The following STOX1 variants were observed in gnomAD, a reference collection of about 807,000 sequenced individuals.
STOX1 encodes storkhead-box protein 1.
A neutral mutation model predicts 74.8 loss-of-function variants in STOX1; 57 were observed. That is an observed-to-expected ratio of 0.76 (90% CI 0.62 to 0.95). STOX1 has a LOEUF of 0.95. Ranked by LOEUF, STOX1 falls within the 40% of genes least tolerant of loss-of-function variation. The pLI is 0.00. For missense variants in STOX1, 1,010 were observed against 1,117.0 expected (o/e 0.90, Z 1.37); for synonymous variants, 375 against 401.3 (o/e 0.93, Z 0.78).
At chr10:68,838,924 A>AG (rs199635825) in intron 1 of STOX1, among the ~76,000 whole-genome samples, 8,216 of 151,232 alleles carry the variant, frequency 0.054, 338 homozygotes, top group East Asian at 0.23. Context: ...AAAAAAAAAA[A>AG]GAAGTGGCAA....
chr10:68,840,132 A>G (rs1839656744), intron 1 of STOX1, among the ~76,000 whole-genome samples: 1 of 152,212 alleles, frequency 6.6e-6, no homozygotes, highest in Non-Finnish European at 1.5e-5. Context: ...CAATCTCCAC[A>G]TGCAAAGGAA....
chr10:68,836,383 A>G (rs747756095), intron 1 of STOX1, among the ~76,000 whole-genome samples: 1 of 152,226 alleles, frequency 6.6e-6, no homozygotes, highest in Non-Finnish European at 1.5e-5. Context: ...AATTTCCAGC[A>G]TGGAGGAAGA....
chr10:68,837,464 G>A (rs1261019385), intron 1 of STOX1, among the ~76,000 whole-genome samples: 1 of 152,236 alleles, frequency 6.6e-6, no homozygotes, highest in African/African-American at 2.4e-5. Context: ...TCATGCATCT[G>A]AGCCTGAGGT....
chr10:68,828,331 C>G, intron 1 of STOX1: 1 of 1,103,920 alleles, frequency 9.1e-7, no homozygotes. Flanking sequence ...GAGCTCCGCG[C>G]TGCAGGGGCG....
chr10:68,858,994 G>A (rs752564220), intron 1 of STOX1, among the ~76,000 whole-genome samples: 7 of 152,074 alleles, frequency 4.6e-5, no homozygotes, highest in Non-Finnish European at 1.0e-4. Flanking sequence ...CCTCTGCTGG[G>A]CTTCGTCACC....
chr10:68,835,404 C>T (rs1314604339), intron 1 of STOX1, among the ~76,000 whole-genome samples: 1 of 151,962 alleles, frequency 6.6e-6, no homozygotes, highest in Non-Finnish European at 1.5e-5. Context: ...CTCACTGAAG[C>T]CTTGAACTCC....
At chr10:68,847,514 T>G (rs1589220618) in intron 1 of STOX1, among the ~76,000 whole-genome samples, 1 of 150,142 alleles carries the variant, frequency 6.7e-6, no homozygotes, top group Non-Finnish European at 1.5e-5. Context: ...GGTTCAAGCG[T>G]TTCTCCTACC....
intron 1 of STOX1, among the ~76,000 whole-genome samples, chr10:68,844,657 C>T (rs1361146011): frequency 1.3e-5 from 2 of 152,094 alleles, no homozygotes; most frequent in African/African-American, 2.4e-5. Flanking sequence ...AGTTTTTTTC[C>T]TTATTAAATT....
chr10:68,877,951 C>T (rs1589234088), intron 1 of STOX1, among the ~76,000 whole-genome samples: 1 of 152,138 alleles, frequency 6.6e-6, no homozygotes, highest in Admixed American at 6.5e-5. Context: ...AAAGGGGGTT[C>T]TGGTTTCTAT....
chr10:68,867,591 A>G (rs1007546801), intron 1 of STOX1, among the ~76,000 whole-genome samples: 4 of 152,194 alleles, frequency 2.6e-5, no homozygotes, highest in African/African-American at 9.6e-5. Flanking sequence ...GGCAGGGACA[A>G]GCTTCCCCTT....
At chr10:68,863,913 TCTG>T (rs199912828) in intron 1 of STOX1, among the ~76,000 whole-genome samples, 4,434 of 150,728 alleles carry the variant, frequency 0.029, 154 homozygotes, top group African/African-American at 0.076. Context: ...AGCTACAAGT[TCTG>T]CTTGTTTTTT....
chr10:68,891,630 C>T (rs28436843), intron 3 of STOX1, among the ~76,000 whole-genome samples: 2 of 151,710 alleles, frequency 1.3e-5, no homozygotes, highest in African/African-American at 2.4e-5. Flanking sequence ...GGTGAAACCC[C>T]GTCTGTACTA....
intron 1 of STOX1, among the ~76,000 whole-genome samples, chr10:68,846,553 A>G (rs1024116916): frequency 6.6e-6 from 1 of 152,178 alleles, no homozygotes; most frequent in Non-Finnish European, 1.5e-5. Flanking sequence ...CTTTTTGTCA[A>G]ATAGCAATTG....
At chr10:68,886,699 C>T (rs903677408) in intron 3 of STOX1, 81 bp downstream of exon 3, 40 of 1,307,584 alleles carry the variant, frequency 3.1e-5, no homozygotes, top group African/African-American at 2.5e-4. Flanking sequence ...GAGGCCGAGG[C>T]GGGCAGATCA....
intron 1 of STOX1, among the ~76,000 whole-genome samples, chr10:68,852,406 C>T (rs1021976019): frequency 2.7e-5 from 4 of 150,134 alleles, no homozygotes; most frequent in Admixed American, 2.6e-4. Context: ...CTACAGGCGC[C>T]CGCCACCGCA....
At chr10:68,828,292 A>G (rs1839317755) in intron 1 of STOX1, 2 of 1,108,574 alleles carry the variant, frequency 1.8e-6, no homozygotes, top group East Asian at 4.5e-5. Context: ...CCCGGAGGGG[A>G]GGGGCGTCCC....
At chr10:68,879,929 A>G (rs936688593) in intron 1 of STOX1, among the ~76,000 whole-genome samples, 11 of 152,156 alleles carry the variant, frequency 7.2e-5, no homozygotes, top group African/African-American at 2.7e-4. Context: ...TTTCCTGGCT[A>G]TAGGCTTATA....
chr10:68,880,316 C>T (rs138490517), intron 1 of STOX1, among the ~76,000 whole-genome samples: 6 of 152,102 alleles, frequency 3.9e-5, no homozygotes, highest in South Asian at 4.2e-4. Flanking sequence ...CTAGCAGCTA[C>T]GACAGGCACA....
At chr10:68,873,507 C>T (rs2394495) in intron 1 of STOX1, among the ~76,000 whole-genome samples, 94,945 of 146,206 alleles carry the variant, frequency 0.65, 31,248 homozygotes, top group East Asian at 0.9. Context: ...GTGATCCACC[C>T]GCCTCAGCCT....
Sources: allele counts gnomAD v4.1 joint callset (sites outside exome capture counted in the v4.1 genomes callset), GRCh38; gene constraint gnomAD v4.1.1; transcripts MANE v1.5; gene names NCBI Gene and HGNC (gene_info 2026-07-23, HGNC 2026-07-21).